The following DLG2 variants were observed in gnomAD, a reference collection of about 807,000 sequenced individuals.
DLG2 encodes the protein disks large homolog 2.
A neutral mutation model predicts 132.5 loss-of-function variants in DLG2; 45 were observed. The observed-to-expected ratio is 0.34, with a 90% CI of 0.27 to 0.44. The LOEUF is 0.44. Ranked by LOEUF, DLG2 falls within the 20% of genes least tolerant of loss-of-function variation. DLG2 has a pLI of 1.00. For missense variants in DLG2, 1,045 were observed against 1,196.9 expected (o/e 0.87, Z 1.87); for synonymous variants, 424 against 419.6 (o/e 1.01, Z -0.13).
chr11:85,104,872 CAAAAAAAAAAAAAA>C (rs56043190), intron 6 of DLG2, among the ~76,000 whole-genome samples: 4 of 56,054 alleles, frequency 7.1e-5, no homozygotes, highest in Admixed American at 5.8e-4. Context: ...GGCTGAATGG[CAAAAAAAAAAAAAA>C]AAAAAAAAAA....
At chr11:83,605,190 C>T (rs1252331781) in intron 19 of DLG2, among the ~76,000 whole-genome samples, 2 of 152,186 alleles carry the variant, frequency 1.3e-5, no homozygotes, top group African/African-American at 4.8e-5. Context: ...GAGCCATTTT[C>T]TGCCTATAAA....
intron 2 of DLG2, among the ~76,000 whole-genome samples, chr11:85,620,303 T>C (rs1391681595): frequency 1.3e-5 from 2 of 152,174 alleles, no homozygotes; most frequent in South Asian, 2.1e-4. Flanking sequence ...CATTGCCCCA[T>C]CTCTCTCCCT....
chr11:85,025,022 T>C (rs1013825607), intron 6 of DLG2, among the ~76,000 whole-genome samples: 1 of 152,226 alleles, frequency 6.6e-6, no homozygotes, highest in Non-Finnish European at 1.5e-5. Context: ...CCACCATATT[T>C]ACGTCTGTGC....
Position 84,102,239 on chromosome 11 carries a change from T to C in DLG2, c.625-3192A>G, listed in dbSNP as rs561350192. Among the ~76,000 whole-genome samples, 126 of 152,192 alleles carry C rather than the reference T, an allele frequency of 8.3e-4. 1 individual carries two copies. Among genetic ancestry groups the C allele is most frequent in the Non-Finnish European group, 1.4e-3 (94 of 68,040 alleles). Reference sequence around the variant, plus strand: ...CATTGTGTTATTTTGTAGTTGTCTGTTTCTGAGTCTGTCTTTCCTTTAAAC... The same window carrying C: ...CATTGTGTTATTTTGTAGTTGTCTGCTTCTGAGTCTGTCTTTCCTTTAAAC... On this transcript the variant is annotated intron_variant, in intron 9 of 27. Transcript: ENST00000376104.
In DLG2 at chr11:85,611,645, A is replaced by T. The variant is rs565125121; in HGVS notation, c.-92-12857T>A. On this transcript the variant is annotated intron_variant, in intron 2 of 27. Transcript: ENST00000376104. Reference sequence around the variant, plus strand: ...TAGCAGAACTAGTGGCACTTACCCGAGCCTTATAACTGGGAAAGGGAAAAA... The same window carrying T: ...TAGCAGAACTAGTGGCACTTACCCGTGCCTTATAACTGGGAAAGGGAAAAA... 6.6e-5 allele frequency among the ~76,000 whole-genome samples: 10 copies of T among 152,376 alleles called. No individual in the cohort carries two copies. In the East Asian group the frequency reaches 1.9e-3, roughly 29 times the overall value.
chr11:84,428,452 T>C (rs1331877888), intron 7 of DLG2, among the ~76,000 whole-genome samples: 1 of 152,144 alleles, frequency 6.6e-6, no homozygotes, highest in African/African-American at 2.4e-5. Flanking sequence ...ACAAAAGAAA[T>C]TTATTTTATC....
At chr11:84,526,830 G>C (rs1480389668) in intron 7 of DLG2, among the ~76,000 whole-genome samples, 1 of 144,534 alleles carries the variant, frequency 6.9e-6, no homozygotes, top group African/African-American at 2.6e-5. Context: ...CCAGGCTGGA[G>C]TGCAGTGGCG....
At position 83,532,704 on chromosome 11, in the gene DLG2, C is replaced by G; in HGVS notation, c.2193+4G>C. The stretch of plus-strand genomic sequence containing the variant: ...ACTTGATGTTTCCATCATTTTGTAC[C>G]TACCCCTTTCGAATCAATCACTCCA... On this transcript the variant is annotated splice_donor_region_variant and intron_variant, in intron 21 of 27. Coordinates refer to ENST00000376104, the MANE Select transcript of DLG2 (RefSeq NM_001142699.3). 3 of 1,612,454 alleles carry G rather than the reference C, an allele frequency of 1.9e-6. No individual in the cohort carries two copies. In the South Asian group the frequency reaches 3.3e-5, roughly 18 times the overall value.
At chr11:84,726,887 T>G (rs1157587974) in intron 6 of DLG2, among the ~76,000 whole-genome samples, 3 of 152,214 alleles carry the variant, frequency 2.0e-5, no homozygotes, top group Non-Finnish European at 4.4e-5. Context: ...GTCTGTTGGC[T>G]GCATAAATGT....
chr11:85,479,928 T>C (rs1440690216), intron 3 of DLG2, among the ~76,000 whole-genome samples: 3 of 152,160 alleles, frequency 2.0e-5, no homozygotes, highest in African/African-American at 2.4e-5. Context: ...TCATACTGGA[T>C]TGTGGCCCAC....
intron 3 of DLG2, among the ~76,000 whole-genome samples, chr11:85,466,451 T>G (rs1054995349): frequency 2.0e-5 from 3 of 152,352 alleles, no homozygotes; most frequent in Middle Eastern, 3.4e-3. Flanking sequence ...AGGTCTAATA[T>G]GTAAGTCTTT....
chr11:85,394,336 C>T (rs1242553253), intron 3 of DLG2, among the ~76,000 whole-genome samples: 1 of 152,130 alleles, frequency 6.6e-6, no homozygotes, highest in African/African-American at 2.4e-5. Context: ...AGTGAAAGAT[C>T]TGCTTAAAAA....
chr11:85,119,638 T>G (rs1410028868), intron 5 of DLG2, among the ~76,000 whole-genome samples: 1 of 151,946 alleles, frequency 6.6e-6, no homozygotes, highest in African/African-American at 2.4e-5. Context: ...AACTACAAAG[T>G]CTCATGGAAA....
chr11:84,432,130 G>A (rs1209964999), intron 7 of DLG2, among the ~76,000 whole-genome samples: 2 of 152,168 alleles, frequency 1.3e-5, no homozygotes, highest in African/African-American at 4.8e-5. Context: ...TCCATCCTGG[G>A]CTTTAGAGGC....
chr11:85,267,061 A>T (rs746754364), intron 4 of DLG2, among the ~76,000 whole-genome samples: 4 of 152,212 alleles, frequency 2.6e-5, no homozygotes, highest in Non-Finnish European at 5.9e-5. Context: ...GGATGCTTGT[A>T]TCCCTTCAAA....
chr11:83,653,458 T>C (rs1189551488), intron 18 of DLG2, among the ~76,000 whole-genome samples: 1 of 152,250 alleles, frequency 6.6e-6, no homozygotes, highest in African/African-American at 2.4e-5. Flanking sequence ...ATGCATTTTT[T>C]CTTGGTCCCA....
chr11:84,790,192 C>T (rs188252981), intron 6 of DLG2, among the ~76,000 whole-genome samples: 18 of 152,256 alleles, frequency 1.2e-4, no homozygotes, highest in Admixed American at 1.2e-3. Context: ...TACTAATTTA[C>T]ATTCCCACTA....
chr11:85,067,514 A>G (rs1009807828), intron 6 of DLG2, among the ~76,000 whole-genome samples: 10 of 151,808 alleles, frequency 6.6e-5, no homozygotes, highest in African/African-American at 2.4e-4. Context: ...ACACTGCTTT[A>G]AATGTGTCCC....
intron 19 of DLG2, chr11:83,631,297 A>T (rs1268754478): frequency 2.0e-5 from 3 of 148,678 alleles, no homozygotes; most frequent in African/African-American, 7.4e-5. Flanking sequence ...TTTTAATTTC[A>T]TGTCTCTTAG....
Sources: allele counts gnomAD v4.1 joint callset (sites outside exome capture counted in the v4.1 genomes callset), GRCh38; gene constraint gnomAD v4.1.1; transcripts MANE v1.5; gene names NCBI Gene and HGNC (gene_info 2026-07-23, HGNC 2026-07-21).